PCDHGB5: variants seen among roughly 807,000 people sequenced by gnomAD.
PCDHGB5 encodes protocadherin gamma subfamily B, 5.
A neutral mutation model predicts 62.9 loss-of-function variants in PCDHGB5; 48 were observed. The observed-to-expected ratio is 0.76, with a 90% confidence interval of 0.61 to 0.97. The LOEUF (loss-of-function observed/expected upper bound fraction) is 0.97. Ranked by LOEUF, PCDHGB5 falls within the 50% of genes least tolerant of loss-of-function variation. The pLI is 0.00. For missense variants in PCDHGB5, 1,118 were observed against 1,198.6 expected (o/e 0.93, Z 0.99); for synonymous variants, 474 against 511.2 (o/e 0.93, Z 0.98).
chr5:141,458,694 C>T (rs905547768), intron 1 of PCDHGB5, among the ~76,000 whole-genome samples: 3 of 152,018 alleles, frequency 2.0e-5, no homozygotes, highest in Non-Finnish European at 2.9e-5. Flanking sequence ...CTCAGCCTCC[C>T]GAGTAGCTGG....
intron 1 of PCDHGB5, chr5:141,421,426 A>T: frequency 1.2e-6 from 2 of 1,614,104 alleles, no homozygotes; most frequent in Non-Finnish European, 8.5e-7. Flanking sequence ...CGGAGTCCGC[A>T]TCGTCTCCAG....
chr5:141,421,931 A>T, intron 1 of PCDHGB5: 1 of 1,613,556 alleles, frequency 6.2e-7, no homozygotes, highest in East Asian at 2.2e-5. Context: ...GTGGTCCTCG[A>T]TGTAAATGAT....
chr5:141,411,806 C>G (rs1276116820), intron 1 of PCDHGB5: 1 of 151,860 alleles, frequency 6.6e-6, no homozygotes, highest in Non-Finnish European at 1.5e-5. Flanking sequence ...CGCTTGAGCC[C>G]AGGAAGTCTA....
At chr5:141,461,689 A>G (rs2099020485) in intron 1 of PCDHGB5, among the ~76,000 whole-genome samples, 1 of 152,120 alleles carries the variant, frequency 6.6e-6, no homozygotes, top group Admixed American at 6.6e-5. Context: ...GTTTATTTTG[A>G]GACAGAGTTT....
At chr5:141,404,684 G>GT in intron 1 of PCDHGB5, 1 of 1,614,104 alleles carries the variant, frequency 6.2e-7, no homozygotes, top group Non-Finnish European at 8.5e-7. Flanking sequence ...TGTGGAGCTG[G>GT]CACCCCGCTC....
intron 1 of PCDHGB5, chr5:141,411,444 T>C (rs1589800236): frequency 6.8e-6 from 1 of 147,662 alleles, no homozygotes; most frequent in African/African-American, 2.5e-5. Context: ...ATTAGCAGAG[T>C]GTGGTAGCAT....
rs200045647 is a variant in PCDHGB5, at chr5:141,490,150, G to A, written c.2398-4657G>A. 50 of 1,614,246 alleles carry A rather than the reference G, an allele frequency of 3.1e-5. No individual in the cohort carries two copies. The Admixed American group carries it at 7.7e-4, about 25-fold the overall frequency. On this transcript the variant is annotated intron_variant, in intron 1 of 3. Transcript: ENST00000617380. The surrounding 1 kb of genome is among the most constrained non-coding windows in gnomAD (Gnocchi z 5.4). ...AGACCCTAGCAGTGGGGCAATCCAT[G>A]TGTTGGGTCCCATAGACTTTGAGGA...
Position 141,432,521 on chromosome 5 carries a change from G to C in PCDHGB5, c.2397+31997G>C. ...CCGCTCCGCAGAGCCCGGCTACCTG[G>C]TGACCAAGGTGGTGGCGGTGGACAG... On this transcript the variant is annotated intron_variant, in intron 1 of 3. Transcript: ENST00000617380. The surrounding 1 kb of genome is among the most constrained non-coding windows in gnomAD (Gnocchi z 6.0). 1.2e-6 allele frequency: 2 copies of C among 1,614,112 alleles called. No individual in the cohort carries two copies. The highest frequency in any genetic ancestry group is 1.7e-6 in the Non-Finnish European group (2 of 1,180,028).
Position 141,490,721 on chromosome 5 carries a change from T to C in PCDHGB5, c.2398-4086T>C, listed in dbSNP as rs779242781. On this transcript the variant is annotated intron_variant, in intron 1 of 3. Coordinates refer to ENST00000617380, the MANE Select transcript of PCDHGB5 (RefSeq NM_018925.3). This position sits in a 1 kb window ranked among gnomAD's most constrained non-coding sequence, Gnocchi z 5.4. The stretch of plus-strand genomic sequence containing the variant: ...AATGCCCGCCTCACCTACTCCATTG[T>C]AGGAAATCAGGTTCAGGGAGCCCCA... 23 of 1,614,056 alleles carry C rather than the reference T, an allele frequency of 1.4e-5. No individual in the cohort carries two copies. The highest frequency in any genetic ancestry group is 6.6e-5 in the South Asian group (6 of 91,080).
At chr5:141,499,557 C>G (rs972965979) in intron 2 of PCDHGB5, among the ~76,000 whole-genome samples, 1 of 152,192 alleles carries the variant, frequency 6.6e-6, no homozygotes, top group African/African-American at 2.4e-5. Context: ...TATGATACCA[C>G]TATCCAGCTT....
At chr5:141,503,284 G>C (rs899456087) in intron 2 of PCDHGB5, among the ~76,000 whole-genome samples, 2 of 152,044 alleles carry the variant, frequency 1.3e-5, no homozygotes, top group African/African-American at 4.8e-5. Flanking sequence ...TCTGTGTCTG[G>C]TACATAGAAA....
At chr5:141,409,869 A>G (rs2095329006) in intron 1 of PCDHGB5, 2 of 1,612,632 alleles carry the variant, frequency 1.2e-6, no homozygotes, top group African/African-American at 1.3e-5. Context: ...GGAGACCGCA[A>G]TGACAACGCA....
At position 141,486,272 on chromosome 5, in the gene PCDHGB5, A is replaced by C. The variant is rs2099627166; in HGVS notation, c.2398-8535A>C. On this transcript the variant is annotated intron_variant, in intron 1 of 3. Transcript: ENST00000617380. The surrounding 1 kb of genome is among the most constrained non-coding windows in gnomAD (Gnocchi z 5.0). ...CCTCCCCGAGAGTGCAGAACCTGGC[A>C]CTGTGGTGGCACTTATCAGTGTGCA... 1 of 1,613,886 alleles carries C rather than the reference A, an allele frequency of 6.2e-7. No individual in the cohort carries two copies. Among genetic ancestry groups the C allele is most frequent in the Non-Finnish European group, 8.5e-7 (1 of 1,179,986 alleles).
intron 1 of PCDHGB5, chr5:141,419,779 G>A (rs1439735185): frequency 1.2e-6 from 2 of 1,614,064 alleles, no homozygotes; most frequent in Non-Finnish European, 8.5e-7. Flanking sequence ...CGGTCCGCCA[G>A]CGCCTGCTAG....
At chr5:141,499,625 C>A (rs1238895570) in intron 2 of PCDHGB5, among the ~76,000 whole-genome samples, 1 of 149,832 alleles carries the variant, frequency 6.7e-6, no homozygotes, top group East Asian at 2.0e-4. Flanking sequence ...TCCTTGGATT[C>A]TTTTGAAGCA....
At chr5:141,475,132 T>C (rs563015610) in intron 1 of PCDHGB5, among the ~76,000 whole-genome samples, 14 of 152,322 alleles carry the variant, frequency 9.2e-5, no homozygotes, top group African/African-American at 2.6e-4. Context: ...TTTTTTCTTT[T>C]TGAAATCTTC....
intron 1 of PCDHGB5, chr5:141,410,046 G>T: frequency 6.2e-7 from 1 of 1,613,174 alleles, no homozygotes; most frequent in Non-Finnish European, 8.5e-7. Context: ...AGTGAGCCCG[G>T]ACTCTTCAGC....
intron 3 of PCDHGB5, 72 bp from the exon 4 acceptor site, chr5:141,510,875 C>T: frequency 6.2e-7 from 1 of 1,610,120 alleles, no homozygotes; most frequent in Admixed American, 1.7e-5. Context: ...TCATTAACTG[C>T]TGGGGATATA....
chr5:141,414,578 A>G, intron 1 of PCDHGB5: 1 of 1,613,960 alleles, frequency 6.2e-7, no homozygotes, highest in Non-Finnish European at 8.5e-7. Context: ...ATCCCAGAGA[A>G]CAACGCCAGG....
Sources: allele counts gnomAD v4.1 joint callset (sites outside exome capture counted in the v4.1 genomes callset), GRCh38; gene constraint gnomAD v4.1.1; non-coding constraint Gnocchi (gnomAD v3.1); transcripts MANE v1.5; gene names NCBI Gene and HGNC (gene_info 2026-07-23, HGNC 2026-07-21).